The following TC2N variants were observed in gnomAD, a reference collection of about 807,000 sequenced individuals.
TC2N encodes the protein tandem C2 domains nuclear protein.
In TC2N, 51 loss-of-function variants were observed where a neutral mutation model predicts 61.9. The ratio of observed to expected loss-of-function variants is 0.82; its 90% CI spans 0.66 to 1.04. The LOEUF (loss-of-function observed/expected upper bound fraction) is 1.04, where lower values mean the gene tolerates loss of function less well. Ranked by LOEUF, TC2N falls within the 50% of genes least tolerant of loss-of-function variation. The probability of loss-of-function intolerance (pLI) is 0.00; values close to 1 mark genes in which losing one functional copy is unlikely to be tolerated. For synonymous variants in TC2N, 204 were observed against 192.6 expected, an observed-to-expected ratio of 1.06 and a Z score of -0.49; for missense variants, 556 against 566.7, an observed-to-expected ratio of 0.98 and a Z score of 0.19.
intron 1 of TC2N, among the ~76,000 whole-genome samples, chr14:91,841,719 G>T (rs1256400121): frequency 1.3e-5 from 2 of 152,146 alleles, no homozygotes; most frequent in East Asian, 1.9e-4. Flanking sequence ...TAGAATCATT[G>T]CAAGTTCTGG....
At chr14:91,825,035 T>C (rs1001112102) in intron 1 of TC2N, among the ~76,000 whole-genome samples, 72 of 124,480 alleles carry the variant, frequency 5.8e-4, no homozygotes, top group African/African-American at 1.7e-3. Context: ...TCTTTTTTTT[T>C]TTTTTTTTTT....
Position 91,782,810 on chromosome 14 carries a change from T to C in TC2N, c.*290A>G, listed in dbSNP as rs1330004850. 6.8e-6 allele frequency: 2 copies of C among 293,814 alleles called. No individual in the cohort carries two copies. The highest frequency in any genetic ancestry group is 1.3e-5 in the Non-Finnish European group (2 of 159,004). 18.2% of individuals were successfully genotyped at this position (293,814 alleles called of 1,614,324 possible). On this transcript the variant is annotated 3_prime_UTR_variant, in exon 12 of 12. Coordinates refer to ENST00000435962, the MANE Select transcript of TC2N (RefSeq NM_001128596.3). ...AACATAATATAGAAAGAACTATCTA[T>C]GGTTGATATTCTCACAGACTTTATA...
chr14:91,806,626 G>A (rs1886518473), intron 3 of TC2N, among the ~76,000 whole-genome samples: 1 of 152,130 alleles, frequency 6.6e-6, no homozygotes, highest in South Asian at 2.1e-4. Context: ...GGTATCTGGT[G>A]GAAGAAATTT....
intron 1 of TC2N, among the ~76,000 whole-genome samples, chr14:91,854,856 G>A (rs1194218929): frequency 2.6e-5 from 4 of 152,136 alleles, no homozygotes; most frequent in Non-Finnish European, 5.9e-5. Flanking sequence ...TGAAGGACAG[G>A]AAATAGAGAA....
intron 1 of TC2N, among the ~76,000 whole-genome samples, chr14:91,835,035 C>A (rs1399214852): frequency 3.3e-5 from 5 of 152,200 alleles, no homozygotes; most frequent in Non-Finnish European, 7.3e-5. Context: ...CCGCCAGAAT[C>A]TCAAACTCAT....
chr14:91,831,036 C>T (rs921138388), intron 1 of TC2N, among the ~76,000 whole-genome samples: 1 of 152,194 alleles, frequency 6.6e-6, no homozygotes, highest in African/African-American at 2.4e-5. Context: ...TATTCAAATG[C>T]ATCAAGTTTC....
chr14:91,842,896 C>T (rs187559238), intron 1 of TC2N, among the ~76,000 whole-genome samples: 2 of 152,258 alleles, frequency 1.3e-5, no homozygotes, highest in East Asian at 3.9e-4. Context: ...TGCACTGTAT[C>T]CATGCCCTTT....
Position 91,798,385 on chromosome 14 carries a change from A to G in TC2N, c.652T>C (p.Ser218Pro). 6.4e-7 allele frequency: 1 copy of G among 1,562,272 alleles called. No homozygotes were observed. The highest frequency in any genetic ancestry group is 8.8e-7 in the Non-Finnish European group (1 of 1,142,386). ...SNRSLDTITL[S>P]GDERDFGRLN... ...CTCCCAAAGTCCCTTTCATCTCCTGATAGAGTAATTGTATCTGAATTATAA... is the reference window on the plus strand; with the variant it reads ...CTCCCAAAGTCCCTTTCATCTCCTGGTAGAGTAATTGTATCTGAATTATAA... The change falls in exon 7 of 12, where the codon TCA (serine) becomes CCA (proline). Residue 218 changes from serine to proline, a missense_variant. Transcript: ENST00000435962.
rs1885160357 is a variant in TC2N, at chr14:91,782,143, A to G, written c.*957T>C. 1 of 152,100 alleles carries G rather than the reference A, an allele frequency of 6.6e-6. No homozygotes were observed. The highest frequency in any genetic ancestry group is 1.5e-5 in the Non-Finnish European group (1 of 67,938). The allele number at this position is 152,100 out of a possible 1,614,324, so 9.4% of individuals were successfully genotyped here. On this transcript the variant is annotated 3_prime_UTR_variant, in exon 12 of 12. Coordinates refer to ENST00000435962, the MANE Select transcript of TC2N (RefSeq NM_001128596.3). The stretch of plus-strand genomic sequence containing the variant: ...TTCCAAATACTGAGTTCTAATAAGT[A>G]CTGGAAAGAAAACTGCAATAGAAAA...
chr14:91,839,021 A>AT (rs1466413187), intron 1 of TC2N, among the ~76,000 whole-genome samples: 1 of 152,208 alleles, frequency 6.6e-6, no homozygotes, highest in Non-Finnish European at 1.5e-5. Flanking sequence ...TCTAAGGAGA[A>AT]AAATAGACTG....
chr14:91,857,443 G>C (rs1034239235), intron 1 of TC2N, among the ~76,000 whole-genome samples: 7 of 152,200 alleles, frequency 4.6e-5, no homozygotes, highest in Admixed American at 1.3e-4. Flanking sequence ...TGGGTGAATG[G>C]CTTGGGTATT....
chr14:91,807,461 T>G (rs1432887977), intron 3 of TC2N, among the ~76,000 whole-genome samples: 2 of 152,208 alleles, frequency 1.3e-5, no homozygotes, highest in Non-Finnish European at 2.9e-5. Flanking sequence ...GTAACCCACC[T>G]CTTGCATTAG....
chr14:91,783,227 G>A lies in TC2N; in HGVS notation c.1363-17C>T. ...TATCCAAATCTGTAAAGGAAAGTAT[G>A]TACAATCATTTAACTTGACACAATA... On this transcript the variant is annotated splice_polypyrimidine_tract_variant and intron_variant, in intron 11 of 11. Coordinates refer to ENST00000435962, the MANE Select transcript of TC2N (RefSeq NM_001128596.3). 1 of 1,398,978 alleles carries A rather than the reference G, an allele frequency of 7.1e-7. No homozygotes were observed. Among genetic ancestry groups the A allele is most frequent in the Non-Finnish European group, 1.0e-6 (1 of 989,516 alleles). 86.7% of individuals were successfully genotyped at this position (1,398,978 alleles called of 1,614,324 possible).
chr14:91,787,725 G>C, intron 9 of TC2N, 98 bp from the exon 10 acceptor site: 2 of 656,760 alleles, frequency 3.0e-6, no homozygotes. Flanking sequence ...AATTTTGAAA[G>C]TATTCCTTTC....
At chr14:91,844,918 T>C (rs1000455540) in intron 1 of TC2N, among the ~76,000 whole-genome samples, 8 of 152,030 alleles carry the variant, frequency 5.3e-5, no homozygotes, top group African/African-American at 1.5e-4. Flanking sequence ...CCAAACACTG[T>C]GTTAATGGTC....
chr14:91,814,602 G>A (rs928878882), intron 1 of TC2N, among the ~76,000 whole-genome samples: 19 of 150,786 alleles, frequency 1.3e-4, no homozygotes, highest in African/African-American at 2.4e-5. Flanking sequence ...AACACAAAAT[G>A]TAAAAGAAAA....
chr14:91,839,489 T>C (rs1888125227), intron 1 of TC2N, among the ~76,000 whole-genome samples: 1 of 152,226 alleles, frequency 6.6e-6, no homozygotes, highest in Admixed American at 6.5e-5. Context: ...TCCCTCTAGA[T>C]GCATTCCAAG....
chr14:91,832,110 G>A (rs943463601), intron 1 of TC2N, among the ~76,000 whole-genome samples: 10 of 152,192 alleles, frequency 6.6e-5, no homozygotes, highest in Non-Finnish European at 1.3e-4. Flanking sequence ...TTTTTAGACC[G>A]AGTGCAATGG....
chr14:91,792,398 G>A lies in TC2N; in HGVS notation c.1016C>T (p.Ser339Phe). ...RTLSTQEMDY[S>F]LDITPPSKIS... ...TTTTGAAGGTGGTGTTATATCCAAA[G>A]AGTAATCCATTTCCTGTGTGCTAAG... Residue 339 changes from serine (S) to phenylalanine (F), a missense_variant, in exon 9 of 12, where the codon TCT (serine) becomes TTT (phenylalanine). By Grantham distance (155) the Ser-to-Phe change is radical. Transcript: ENST00000435962. 6.2e-7 allele frequency: 1 copy of A among 1,604,666 alleles called. No homozygotes were observed. Among genetic ancestry groups the A allele is most frequent in the Non-Finnish European group, 8.5e-7 (1 of 1,174,888 alleles).
Sources: gnomAD v4.1 joint callset for allele counts (sites outside exome capture counted in the v4.1 genomes callset) on GRCh38, gnomAD v4.1.1 for gene constraint, MANE v1.5 for transcripts, NCBI Gene and HGNC (gene_info 2026-07-23, HGNC 2026-07-21) for gene names.